Variants in CACNA1C observed in about 807,000 individuals in gnomAD.
CACNA1C encodes the protein voltage-dependent L-type calcium channel subunit alpha-1C.
Under a neutral mutation model 229.0 loss-of-function variants are expected in CACNA1C, and 30 were observed. That is an observed-to-expected ratio of 0.13 (90% CI 0.10 to 0.18). CACNA1C has a LOEUF of 0.18. Ranked by LOEUF, CACNA1C falls within the 10% of genes least tolerant of loss-of-function variation. The pLI, the probability that CACNA1C is intolerant of heterozygous loss-of-function variation, is 1.00. For synonymous variants in CACNA1C, 1,114 were observed against 1,132.5 expected, an observed-to-expected ratio of 0.98 and a Z score of 0.33; for missense variants, 1,658 against 2,845.0, an observed-to-expected ratio of 0.58 and a Z score of 9.49.
intron 3 of CACNA1C, among the ~76,000 whole-genome samples, chr12:2,438,226 T>TGTG (rs1211249739): frequency 3.7e-5 from 4 of 106,944 alleles, no homozygotes; most frequent in East Asian, 3.5e-4. Context: ...TGGTGGTGGT[T>TGTG]GTGATGGTGG....
chr12:2,019,549 AGAAGGAAG>A (rs367805196), intron 1 of CACNA1C, among the ~76,000 whole-genome samples: 59 of 148,610 alleles, frequency 4.0e-4, no homozygotes, highest in African/African-American at 1.5e-3. Context: ...AAGGAAGGAA[AGAAGGAAG>A]GAAGGAAGGA....
intron 3 of CACNA1C, among the ~76,000 whole-genome samples, chr12:2,209,396 T>C (rs1465215544): frequency 5.3e-5 from 8 of 152,066 alleles, no homozygotes; most frequent in Admixed American, 2.0e-4. Context: ...GGAGTCATAG[T>C]GTGCTTGAAG....
intron 30 of CACNA1C, chr12:2,641,696 G>C: frequency 1.4e-6 from 1 of 702,280 alleles, no homozygotes; most frequent in Non-Finnish European, 2.6e-6. Flanking sequence ...CCTTCTAATA[G>C]ATCATTGTAC....
At chr12:2,272,019 T>A (rs1446929111) in intron 3 of CACNA1C, among the ~76,000 whole-genome samples, 1 of 152,208 alleles carries the variant, frequency 6.6e-6, no homozygotes. Flanking sequence ...CTCCTAGGAC[T>A]CTGGAGAGAT....
intron 3 of CACNA1C, among the ~76,000 whole-genome samples, chr12:2,265,646 CCAT>C (rs1373368715): frequency 6.6e-6 from 1 of 152,248 alleles, no homozygotes; most frequent in Non-Finnish European, 1.5e-5. Context: ...GGTTTCTCTG[CCAT>C]CATCTTTTCT....
chr12:2,031,263 T>A (rs2048170265), intron 1 of CACNA1C, among the ~76,000 whole-genome samples: 1 of 152,212 alleles, frequency 6.6e-6, no homozygotes, highest in South Asian at 2.1e-4. Context: ...TTTGTCTTTC[T>A]CAGCATTGTG....
In CACNA1C at chr12:2,152,420, CCT is replaced by C; in HGVS notation, c.477+31991_477+31992del. Among the ~76,000 whole-genome samples, 1 of 152,322 alleles carries C rather than the reference CCT, an allele frequency of 6.6e-6. No homozygotes were observed. The highest frequency in any genetic ancestry group is 3.4e-3 in the Middle Eastern group (1 of 294). On this transcript the variant is annotated intron_variant, in intron 3 of 46. Transcript: ENST00000399655. The surrounding 1 kb of genome is among the most constrained non-coding windows in gnomAD (Gnocchi z 4.2). ...CCCTTGAAGGCAAAGTCATGCCTGCCCTTTCCCTTTCTCCCTCTGCAGGCGTG... is the reference window on the plus strand; with the variant it reads ...CCCTTGAAGGCAAAGTCATGCCTGCCTTCCCTTTCTCCCTCTGCAGGCGTG...
intron 15 of CACNA1C, 22 bp downstream of exon 15, chr12:2,582,964 C>G (rs112702550): frequency 1.8e-5 from 27 of 1,534,004 alleles, no homozygotes; most frequent in African/African-American, 8.3e-5. Flanking sequence ...TGCTGCCCCC[C>G]ACCCCTGCGG....
At chr12:2,332,752 T>C (rs994990416) in intron 3 of CACNA1C, among the ~76,000 whole-genome samples, 5 of 152,212 alleles carry the variant, frequency 3.3e-5, no homozygotes, top group Admixed American at 3.3e-4. Context: ...ATGCTTACCT[T>C]ATCATGTCCT....
intron 3 of CACNA1C, among the ~76,000 whole-genome samples, chr12:2,300,701 A>G (rs1040891771): frequency 6.6e-6 from 1 of 152,186 alleles, no homozygotes; most frequent in African/African-American, 2.4e-5. Flanking sequence ...GGGAAGTACA[A>G]TTAGCTCCCT....
intron 14 of CACNA1C, 136 bp downstream of exon 14, chr12:2,581,933 G>A: frequency 5.3e-6 from 3 of 566,794 alleles, no homozygotes; most frequent in Non-Finnish European, 9.5e-6. Context: ...CCATGCCCGG[G>A]AGAGTCTTGA....
At chr12:2,357,695 G>A (rs2097419238) in intron 3 of CACNA1C, among the ~76,000 whole-genome samples, 1 of 150,042 alleles carries the variant, frequency 6.7e-6, no homozygotes, top group Non-Finnish European at 1.5e-5. Context: ...AATCGGCCAG[G>A]CACAGTGGTT....
chr12:2,535,704 T>TAA lies in CACNA1C; in HGVS notation c.1391-14211_1391-14210dup, dbSNP rs758857733. Among the ~76,000 whole-genome samples the TAA allele has an allele frequency of 3.2e-3, 117 of 36,542 alleles. 1 individual carries two copies. The highest frequency in any genetic ancestry group is 0.014 in the East Asian group (10 of 734). 24.0% of individuals were successfully genotyped at this position (36,542 alleles called of 152,430 possible). On this transcript the variant is annotated intron_variant, in intron 9 of 46. Transcript: ENST00000399655. ...CTGGGTGACAGAGCAAGACCCTGTC[T>TAA]AAAAAAAAAAAAAAAAAAAAAAAAA...
chr12:2,459,129 C>T (rs1236499760), intron 5 of CACNA1C, among the ~76,000 whole-genome samples: 11 of 149,350 alleles, frequency 7.4e-5, no homozygotes, highest in Non-Finnish European at 1.2e-4. Flanking sequence ...ACTACAGGTG[C>T]TTGCCACCAT....
intron 3 of CACNA1C, among the ~76,000 whole-genome samples, chr12:2,387,183 T>A (rs2098406046): frequency 6.6e-6 from 1 of 152,140 alleles, no homozygotes; most frequent in Non-Finnish European, 1.5e-5. Context: ...GTGACTCAGA[T>A]GATTAAAGAA....
rs551546673 is a variant in CACNA1C, at chr12:2,504,354, C to T, written c.1114-488C>T. The T allele has an allele frequency of 2.0e-5, 16 of 786,028 alleles. No individual in the cohort carries two copies. Among genetic ancestry groups the T allele is most frequent in the Middle Eastern group, 4.6e-4 (2 of 4,308 alleles). The allele number at this position is 786,028 out of a possible 1,614,324, so 48.7% of individuals were successfully genotyped here. The stretch of plus-strand genomic sequence containing the variant: ...ACGTTCAGCCCCGTCTGTCCCCTCC[C>T]AATCTGCTCACACCTGCTGCCTGCC... On this transcript the variant is annotated intron_variant, in intron 7 of 46. Transcript: ENST00000399655. The surrounding 1 kb of genome is among the most constrained non-coding windows in gnomAD (Gnocchi z 6.8).
At chr12:2,024,416 C>T (rs1278488391) in intron 1 of CACNA1C, among the ~76,000 whole-genome samples, 1 of 152,202 alleles carries the variant, frequency 6.6e-6, no homozygotes, top group African/African-American at 2.4e-5. Flanking sequence ...CTCTCTCAAG[C>T]AATCCAGGGT....
At chr12:2,104,437 C>G (rs1209266875) in intron 1 of CACNA1C, among the ~76,000 whole-genome samples, 2 of 152,188 alleles carry the variant, frequency 1.3e-5, no homozygotes, top group African/African-American at 4.8e-5. Flanking sequence ...TGAGACTTTG[C>G]TGAAGTTGCT....
rs1486252148 is a variant in CACNA1C, at chr12:2,679,160, C to T, written c.5092-284C>T. On this transcript the variant is annotated intron_variant, in intron 41 of 46. Coordinates refer to ENST00000399655, the MANE Select transcript of CACNA1C (RefSeq NM_000719.7). This position sits in a 1 kb window ranked among gnomAD's most constrained non-coding sequence, Gnocchi z 5.5. Reference sequence around the variant, plus strand: ...AAACCTCCAGGGCAGCTCGTACCAGCGGCAGCCCCTTGCCCAATCCCATCC... The same window carrying T: ...AAACCTCCAGGGCAGCTCGTACCAGTGGCAGCCCCTTGCCCAATCCCATCC... Among the ~76,000 whole-genome samples the T allele has an allele frequency of 6.6e-6, 1 of 152,212 alleles. No homozygotes were observed.
Sources: allele counts gnomAD v4.1 joint callset (sites outside exome capture counted in the v4.1 genomes callset), GRCh38; gene constraint gnomAD v4.1.1; non-coding constraint Gnocchi (gnomAD v3.1); transcripts MANE v1.5; gene names NCBI Gene and HGNC (gene_info 2026-07-23, HGNC 2026-07-21).